The following LIN9 variants were observed in gnomAD, a reference collection of about 807,000 sequenced individuals.
LIN9 encodes protein lin-9 homolog.
LIN9 carries 18 observed loss-of-function variants against 78.0 expected under a neutral mutation model. The ratio of observed to expected loss-of-function variants is 0.23; its 90% CI spans 0.16 to 0.34. LIN9 has a LOEUF of 0.34. Among genes scored for constraint, LIN9 ranks in the 10% least tolerant of loss-of-function variants. LIN9 has a pLI of 1.00. For synonymous variants in LIN9, 192 were observed against 215.2 expected, an observed-to-expected ratio of 0.89 and a Z score of 0.94; for missense variants, 451 against 644.1, an observed-to-expected ratio of 0.70 and a Z score of 3.25.
At chr1:226,294,997 C>T (rs1333796494) in intron 4 of LIN9, among the ~76,000 whole-genome samples, 3 of 151,894 alleles carry the variant, frequency 2.0e-5, no homozygotes, top group Admixed American at 6.6e-5. Context: ...GACAGGGTTT[C>T]GCCATGTTGG....
chr1:226,284,583 G>C (rs1661286057), intron 6 of LIN9, among the ~76,000 whole-genome samples: 1 of 152,094 alleles, frequency 6.6e-6, no homozygotes, highest in South Asian at 2.1e-4. Context: ...AATTAGCTGG[G>C]CATGGTGGCG....
At chr1:226,232,836 T>C (rs776813475) in intron 14 of LIN9, 3 of 488,504 alleles carry the variant, frequency 6.1e-6, no homozygotes, top group African/African-American at 2.0e-5. Flanking sequence ...AGTCTCTCAC[T>C]GACTGGGGAA....
intron 11 of LIN9, among the ~76,000 whole-genome samples, chr1:226,241,069 C>T (rs953581555): frequency 7.9e-5 from 12 of 152,172 alleles, no homozygotes; most frequent in African/African-American, 2.7e-4. Flanking sequence ...GGGAATGCCA[C>T]AGTGGGAGTA....
chr1:226,304,705 G>A (rs2102685376), intron 1 of LIN9, among the ~76,000 whole-genome samples: 1 of 152,270 alleles, frequency 6.6e-6, no homozygotes, highest in South Asian at 2.1e-4. Flanking sequence ...CCTAAGAAGG[G>A]AGGAGGGGTG....
At position 226,232,188 on chromosome 1, in the gene LIN9, T is replaced by TA. The variant is rs1010891706; in HGVS notation, c.*312dup. 6.3e-5 allele frequency: 25 copies of TA among 399,060 alleles called. No homozygotes were observed. Among genetic ancestry groups the TA allele is most frequent in the African/African-American group, 3.9e-4 (19 of 48,630 alleles). The allele number at this position is 399,060 out of a possible 1,614,324, so 24.7% of individuals were successfully genotyped here. A position where few individuals can be genotyped will look rare whatever the true frequency, so the allele number is the denominator to read the frequency against. On this transcript the variant is annotated 3_prime_UTR_variant, in exon 15 of 15. Transcript: ENST00000681046. ...TGTGTTGCGGTGAATTCATGCACAT[T>TA]AAAAAAAATGGTCAATGTATTCTTC...
upstream of LIN9, chr1:226,309,415 G>A (rs977642448): frequency 5.0e-6 from 5 of 995,518 alleles, no homozygotes; most frequent in Non-Finnish European, 6.0e-6. Flanking sequence ...GGCGAGGCCC[G>A]GCGCCGGAGC....
In LIN9 at chr1:226,270,841, A is replaced by G. The variant is rs1163295701; in HGVS notation, c.683-2751T>C. On this transcript the variant is annotated intron_variant, in intron 7 of 14. Transcript: ENST00000681046. The stretch of plus-strand genomic sequence containing the variant: ...CTCTGTCTCAAAAAAAAAAAAAAAA[A>G]AAAAAAAAAGGTTTGTGTATGTATG... 2.6e-5 allele frequency among the ~76,000 whole-genome samples: 4 copies of G among 151,222 alleles called. No individual in the cohort carries two copies. In the East Asian group the frequency reaches 7.7e-4, roughly 29 times the overall value.
intron 7 of LIN9, among the ~76,000 whole-genome samples, chr1:226,271,379 C>T (rs187875564): frequency 1.3e-5 from 2 of 152,214 alleles, no homozygotes; most frequent in African/African-American, 2.4e-5. Context: ...AAATCTACTA[C>T]TCTTTGTTTA....
At chr1:226,308,296 G>A (rs1217940628) in intron 1 of LIN9, among the ~76,000 whole-genome samples, 2 of 152,202 alleles carry the variant, frequency 1.3e-5, no homozygotes, top group African/African-American at 4.8e-5. Context: ...ACATGTCTTA[G>A]ATGTCAGGGT....
chr1:226,291,432 T>C (rs1247730359), intron 4 of LIN9, among the ~76,000 whole-genome samples: 1 of 152,070 alleles, frequency 6.6e-6, no homozygotes, highest in Non-Finnish European at 1.5e-5. Context: ...AATGTAATTT[T>C]TAGAATACAT....
intron 4 of LIN9, among the ~76,000 whole-genome samples, chr1:226,290,958 T>G (rs951674117): frequency 6.6e-6 from 1 of 151,960 alleles, no homozygotes; most frequent in Admixed American, 6.6e-5. Flanking sequence ...GGTTTTGCCA[T>G]GTTGGCCAGG....
intron 2 of LIN9, among the ~76,000 whole-genome samples, chr1:226,300,646 A>C (rs1662472578): frequency 6.6e-6 from 1 of 152,204 alleles, no homozygotes; most frequent in Non-Finnish European, 1.5e-5. Context: ...ACTTGAGGCC[A>C]GGAGTTTGAG....
At chr1:226,278,981 A>C (rs973991726) in intron 6 of LIN9, among the ~76,000 whole-genome samples, 2 of 151,316 alleles carry the variant, frequency 1.3e-5, no homozygotes, top group African/African-American at 4.9e-5. Flanking sequence ...AAACCAAAAA[A>C]CAAACAAACA....
intron 1 of LIN9, among the ~76,000 whole-genome samples, chr1:226,305,249 C>T (rs1401355068): frequency 6.9e-6 from 1 of 145,072 alleles, no homozygotes; most frequent in Non-Finnish European, 1.5e-5. Context: ...GCAGGAGCAT[C>T]GCTTGAGGCC....
chr1:226,291,940 A>G (rs1478994527), intron 4 of LIN9, among the ~76,000 whole-genome samples: 1 of 152,148 alleles, frequency 6.6e-6, no homozygotes, highest in Non-Finnish European at 1.5e-5. Flanking sequence ...AAATGTAAAA[A>G]GAAGAAAAAA....
At chr1:226,288,112 C>A (rs1367587062) in intron 4 of LIN9, among the ~76,000 whole-genome samples, 1 of 152,082 alleles carries the variant, frequency 6.6e-6, no homozygotes, top group Non-Finnish European at 1.5e-5. Context: ...GCTGGGACTA[C>A]AGGCGCACGC....
intron 11 of LIN9, among the ~76,000 whole-genome samples, chr1:226,240,550 G>A (rs1365139217): frequency 6.6e-6 from 1 of 152,096 alleles, no homozygotes; most frequent in Non-Finnish European, 1.5e-5. Context: ...CATCACACCT[G>A]GCTAATTGTT....
At chr1:226,242,263 T>A (rs548988022) in intron 11 of LIN9, among the ~76,000 whole-genome samples, 2 of 152,324 alleles carry the variant, frequency 1.3e-5, no homozygotes, top group East Asian at 3.9e-4. Context: ...CATATGTATA[T>A]GTATGCCTGG....
At chr1:226,295,283 C>T (rs1662072100) in intron 4 of LIN9, among the ~76,000 whole-genome samples, 1 of 151,786 alleles carries the variant, frequency 6.6e-6, no homozygotes, top group African/African-American at 2.4e-5. Flanking sequence ...AACCCCGTCT[C>T]TACTAAAATA....
Sources: allele counts gnomAD v4.1 joint callset (sites outside exome capture counted in the v4.1 genomes callset), GRCh38; gene constraint gnomAD v4.1.1; transcripts MANE v1.5; gene names NCBI Gene and HGNC (gene_info 2026-07-23, HGNC 2026-07-21).